CDO1: variants seen among roughly 807,000 people sequenced by gnomAD.
The protein encoded by CDO1 is cysteine dioxygenase type 1, also known as cysteine dioxygenase, type I.
A neutral mutation model predicts 24.5 loss-of-function variants in CDO1; 19 were observed. The observed-to-expected ratio is 0.77, with a 90% CI of 0.54 to 1.14. The LOEUF is 1.14. CDO1 is among the 50% of genes most tolerant of loss of function. The probability of loss-of-function intolerance (pLI) is 0.00; values close to 1 mark genes in which losing one functional copy is unlikely to be tolerated. For missense variants in CDO1, 244 were observed against 244.8 expected (o/e 1.00, Z 0.02); for synonymous variants, 91 against 87.0 (o/e 1.05, Z -0.26).
At chr5:115,810,276 C>T (rs186866278) in intron 3 of CDO1, among the ~76,000 whole-genome samples, 2 of 152,198 alleles carry the variant, frequency 1.3e-5, no homozygotes, top group East Asian at 3.9e-4. Context: ...ACTTCCCATA[C>T]AATTTGATCT....
intron 1 of CDO1, 126 bp downstream of exon 1, chr5:115,816,102 C>G: frequency 7.2e-6 from 5 of 695,408 alleles, no homozygotes; most frequent in Non-Finnish European, 8.7e-6. Context: ...AGCGAGGGGG[C>G]GAGCGGCGGA....
intron 1 of CDO1, among the ~76,000 whole-genome samples, chr5:115,815,022 A>G (rs1391810409): frequency 6.6e-6 from 1 of 152,218 alleles, no homozygotes; most frequent in Non-Finnish European, 1.5e-5. Flanking sequence ...AGTCACTTGT[A>G]TATGAAAAAT....
At chr5:115,813,143 T>G (rs1453586948) in intron 2 of CDO1, 38 bp downstream of exon 2, 7 of 1,156,512 alleles carry the variant, frequency 6.1e-6, no homozygotes, top group Non-Finnish European at 3.9e-6. Context: ...CTAGAAAACA[T>G]GCTCTAATAA....
chr5:115,816,423 G>A lies in CDO1; in HGVS notation c.-26C>T. ...CTCGTGGGGAGCTGGCTGCGCGCGC[G>A]TCTCACTGCTGGGCTGCGGTGGAGG... On this transcript the variant is annotated 5_prime_UTR_variant, in exon 1 of 5. It adds an upstream start codon to the 5' untranslated region. Transcript: ENST00000250535. 3.7e-6 allele frequency: 6 copies of A among 1,608,810 alleles called. No homozygotes were observed. Among genetic ancestry groups the A allele is most frequent in the Non-Finnish European group, 5.1e-6 (6 of 1,179,456 alleles).
Position 115,816,254 on chromosome 5 carries a change from T to G in CDO1, c.144A>C (p.Ala48=). 1.2e-6 allele frequency: 2 copies of G among 1,614,186 alleles called. No individual in the cohort carries two copies. Among genetic ancestry groups the G allele is most frequent in the Non-Finnish European group, 1.7e-6 (2 of 1,180,008 alleles). The change falls in exon 1 of 5, where the codon GCA becomes GCC. Residue 48 remains alanine (A), a synonymous_variant. Coordinates refer to ENST00000250535, the MANE Select transcript of CDO1 (RefSeq NM_001801.3). ...EAYESDPTEW[A]MYAKFDQYRY... is the part of the protein sequence containing the mutation. ...TGTACTGGTCGAACTTGGCGTACATTGCCCACTCGGTGGGGTCGCTCTCGT... is the reference window on the plus strand; with the variant it reads ...TGTACTGGTCGAACTTGGCGTACATGGCCCACTCGGTGGGGTCGCTCTCGT...
intron 1 of CDO1, 141 bp downstream of exon 1, chr5:115,816,084 GGCT>G: frequency 2.3e-6 from 1 of 432,224 alleles, no homozygotes; most frequent in Non-Finnish European, 4.1e-6. Flanking sequence ...CCAGCCCCGC[GGCT>G]GGCCAGCGAG....
At chr5:115,805,581 CTTG>C (rs1759912417) in intron 4 of CDO1, 119 bp from the exon 5 acceptor site, 1 of 831,582 alleles carries the variant, frequency 1.2e-6, no homozygotes, top group Non-Finnish European at 1.9e-6. Flanking sequence ...GCAAGGGAGC[CTTG>C]TTGTTTTTCC....
chr5:115,806,676 G>A (rs1201745751), intron 3 of CDO1, among the ~76,000 whole-genome samples, 158 bp from the exon 4 acceptor site: 2 of 152,166 alleles, frequency 1.3e-5, no homozygotes, highest in South Asian at 2.1e-4. Flanking sequence ...TAAGTGACAC[G>A]CATGCATTAG....
chr5:115,806,500 C>G lies in CDO1; in HGVS notation c.422G>C (p.Arg141Pro). The change falls in exon 4 of 5, where the codon CGA (arginine) becomes CCA (proline). Residue 141 changes from arginine to proline, a missense_variant. Transcript: ENST00000250535. ...TTCCGTATGGCTGATGTTCTCTACT[C>G]GATGTAAGCCAATGGAATCTAAACA... ...AYINDSIGLH[R>P]VENISHTEPA... 2 of 1,606,924 alleles carry G rather than the reference C, an allele frequency of 1.2e-6. No homozygotes were observed. Among genetic ancestry groups the G allele is most frequent in the Non-Finnish European group, 1.7e-6 (2 of 1,177,738 alleles).
chr5:115,813,328 G>A, intron 1 of CDO1, 70 bp from the exon 2 acceptor site: 2 of 816,774 alleles, frequency 2.4e-6, no homozygotes, highest in Non-Finnish European at 2.1e-6. Flanking sequence ...AAATAAGTGT[G>A]TCACCAAGTA....
chr5:115,810,385 T>C (rs183060646), intron 3 of CDO1, among the ~76,000 whole-genome samples: 11 of 152,274 alleles, frequency 7.2e-5, no homozygotes, highest in African/African-American at 2.4e-4. Context: ...AGCTCTATAA[T>C]ACTTTATATA....
chr5:115,814,779 G>A lies in CDO1; in HGVS notation c.170+1449C>T, dbSNP rs1372425634. On this transcript the variant is annotated intron_variant, in intron 1 of 4. Transcript: ENST00000250535. ...GCTCTGGAACAACAATGCTAACCCC[G>A]GGAGCCTGGAGCCGCTATCGATAGA... Among the ~76,000 whole-genome samples the A allele has an allele frequency of 3.3e-5, 5 of 151,942 alleles. No individual in the cohort carries two copies. In the East Asian group the frequency reaches 5.8e-4, roughly 18 times the overall value.
intron 1 of CDO1, among the ~76,000 whole-genome samples, chr5:115,815,778 C>T (rs1238408429): frequency 6.6e-6 from 1 of 152,220 alleles, no homozygotes; most frequent in Non-Finnish European, 1.5e-5. Flanking sequence ...CTAGTCCGGC[C>T]AGACGGTTCC....
Position 115,811,206 on chromosome 5 carries a change from T to C in CDO1, c.358A>G (p.Lys120Glu). The C allele has an allele frequency of 6.2e-7, 1 of 1,613,832 alleles. No homozygotes were observed. Among genetic ancestry groups the C allele is most frequent in the East Asian group, 2.2e-5 (1 of 44,860 alleles). Reference protein sequence around the residue: ...PDKKSNEMVKKSERVLRENQC... With the variant: ...PDKKSNEMVKESERVLRENQC... ...TTTTCCCTCAAGACTCTTTCAGACT[T>C]CTTGACCATCTCATTGGATTTTTTG... The change falls in exon 3 of 5, where the codon AAG becomes GAG. Residue 120 changes from lysine (K) to glutamate (E), a missense_variant. Coordinates refer to ENST00000250535, the MANE Select transcript of CDO1 (RefSeq NM_001801.3).
chr5:115,815,759 C>A (rs562372589), intron 1 of CDO1, among the ~76,000 whole-genome samples: 1 of 152,194 alleles, frequency 6.6e-6, no homozygotes, highest in Non-Finnish European at 1.5e-5. Flanking sequence ...CCCCTGGGAG[C>A]ACCCTCTGCT....
Position 115,816,462 on chromosome 5 carries a change from A to G in CDO1, c.-65T>C, listed in dbSNP as rs1004321981. ...CTGCGGTGGAGGAGCTGAGCGAGCC[A>G]AGGAGCTGGGGGCGAGGGAGCCTAA... On this transcript the variant is annotated 5_prime_UTR_variant, in exon 1 of 5. Transcript: ENST00000250535. 17 of 1,578,512 alleles carry G rather than the reference A, an allele frequency of 1.1e-5. No individual in the cohort carries two copies. Among genetic ancestry groups the G allele is most frequent in the African/African-American group, 1.3e-5 (1 of 74,394 alleles).
chr5:115,809,038 A>T (rs552864614), intron 3 of CDO1, among the ~76,000 whole-genome samples: 13 of 152,186 alleles, frequency 8.5e-5, no homozygotes, highest in Non-Finnish European at 1.5e-4. Context: ...CTGGTGCCTA[A>T]TTCTCAGATC....
intron 1 of CDO1, 75 bp from the exon 2 acceptor site, chr5:115,813,333 CA>C: frequency 1.3e-6 from 1 of 784,238 alleles, no homozygotes; most frequent in Non-Finnish European, 2.2e-6. Flanking sequence ...AGTGTGTCAC[CA>C]AGTACCATTT....
At position 115,805,073 on chromosome 5, in the gene CDO1, T is replaced by G; in HGVS notation, c.*360A>C. 4.9e-6 allele frequency: 1 copy of G among 204,642 alleles called. No homozygotes were observed. The highest frequency in any genetic ancestry group is 9.7e-6 in the Non-Finnish European group (1 of 103,162). 12.7% of individuals were successfully genotyped at this position (204,642 alleles called of 1,614,324 possible). On this transcript the variant is annotated 3_prime_UTR_variant, in exon 5 of 5. Coordinates refer to ENST00000250535, the MANE Select transcript of CDO1 (RefSeq NM_001801.3). ...AAGCAAACATTTGACGTTTGACGTT[T>G]CTGTTTTTACTTCTTGCTAATTACA...
Sources: allele counts gnomAD v4.1 joint callset (sites outside exome capture counted in the v4.1 genomes callset), GRCh38; gene constraint gnomAD v4.1.1; transcripts MANE v1.5; gene names NCBI Gene and HGNC (gene_info 2026-07-23, HGNC 2026-07-21).